The following RBFOX3 variants were observed in gnomAD, a reference collection of about 807,000 sequenced individuals.
RBFOX3 encodes the protein RNA binding fox-1 homolog 3, also known as RNA binding protein fox-1 homolog 3.
A neutral mutation model predicts 48.7 loss-of-function variants in RBFOX3; 17 were observed. That is an observed-to-expected ratio of 0.35 (90% CI 0.24 to 0.52). The LOEUF is 0.52. RBFOX3 is among the 20% of genes least tolerant of loss of function. The pLI is 0.94. For missense variants in RBFOX3, 382 were observed against 497.5 expected (o/e 0.77, Z 2.21); for synonymous variants, 212 against 209.5 (o/e 1.01, Z -0.10).
chr17:79,313,157 G>A (rs2077077942), intron 2 of RBFOX3, among the ~76,000 whole-genome samples: 1 of 152,180 alleles, frequency 6.6e-6, no homozygotes, highest in Non-Finnish European at 1.5e-5. Context: ...TCTGTAATGT[G>A]AACTCTTTAA....
At chr17:79,453,135 G>T (rs1171981682) in intron 2 of RBFOX3, among the ~76,000 whole-genome samples, 3 of 152,254 alleles carry the variant, frequency 2.0e-5, no homozygotes, top group African/African-American at 7.2e-5. Flanking sequence ...TGTCCTTTCT[G>T]TAAACCCGGG....
intron 3 of RBFOX3, among the ~76,000 whole-genome samples, chr17:79,284,486 A>C (rs1015171465): frequency 2.0e-5 from 3 of 151,916 alleles, no homozygotes; most frequent in Non-Finnish European, 4.4e-5. Context: ...ATGGGAGCTG[A>C]AGGCTCAGAG....
chr17:79,422,630 C>A (rs1231028366), intron 2 of RBFOX3, among the ~76,000 whole-genome samples: 1 of 152,170 alleles, frequency 6.6e-6, no homozygotes, highest in Non-Finnish European at 1.5e-5. Flanking sequence ...TGGGCAGATG[C>A]TGGGTCGTCA....
chr17:79,267,536 G>A (rs1307449406), intron 3 of RBFOX3, among the ~76,000 whole-genome samples: 6 of 152,146 alleles, frequency 3.9e-5, no homozygotes, highest in East Asian at 1.9e-4. Context: ...GATTATAGGC[G>A]CATGCCACCA....
chr17:79,664,355 T>A, the RBFOX3 span, among the ~76,000 whole-genome samples: 1 of 151,640 alleles, frequency 6.6e-6, no homozygotes, highest in African/African-American at 2.4e-5. Flanking sequence ...TTGTATTTTT[T>A]TTTTTTTTGA....
intron 2 of RBFOX3, among the ~76,000 whole-genome samples, chr17:79,385,452 GC>G (rs1175407868): frequency 6.6e-6 from 1 of 152,136 alleles, no homozygotes; most frequent in Admixed American, 6.5e-5. Context: ...CAATCAGCGA[GC>G]CCCCAAGAAC....
At chr17:79,633,836 C>T in the RBFOX3 span, among the ~76,000 whole-genome samples, 1 of 152,254 alleles carries the variant, frequency 6.6e-6, no homozygotes, top group East Asian at 1.9e-4. Flanking sequence ...TCCTGATGTG[C>T]CACCCTTGGA....
At chr17:79,334,391 G>C (rs1312777808) in intron 2 of RBFOX3, among the ~76,000 whole-genome samples, 1 of 152,190 alleles carries the variant, frequency 6.6e-6, no homozygotes, top group Non-Finnish European at 1.5e-5. Context: ...AGGTTACAGG[G>C]ACTTGTTGGT....
chr17:79,149,685 C>T (rs1189199763), intron 4 of RBFOX3, among the ~76,000 whole-genome samples: 2 of 151,808 alleles, frequency 1.3e-5, no homozygotes, highest in Admixed American at 6.6e-5. Context: ...TGCCCGCCCG[C>T]TCAGGCCTTC....
chr17:79,112,728 C>T (rs902725958), intron 5 of RBFOX3, among the ~76,000 whole-genome samples: 4 of 152,194 alleles, frequency 2.6e-5, no homozygotes, highest in South Asian at 2.1e-4. Context: ...CCAAGCTCCC[C>T]CTCTCCACTG....
intron 2 of RBFOX3, among the ~76,000 whole-genome samples, chr17:79,436,629 C>G (rs1555731287): frequency 6.6e-6 from 1 of 152,102 alleles, no homozygotes; most frequent in Non-Finnish European, 1.5e-5. Flanking sequence ...CCTGGAGGGA[C>G]CAGATGATTA....
intron 1 of RBFOX3, among the ~76,000 whole-genome samples, chr17:79,488,685 C>T (rs2080028642): frequency 1.3e-5 from 2 of 152,212 alleles, no homozygotes; most frequent in African/African-American, 4.8e-5. Context: ...ACCCAGGTTC[C>T]GGACATTCAA....
At chr17:79,113,325 T>A (rs1351506048) in intron 5 of RBFOX3, among the ~76,000 whole-genome samples, 1 of 152,100 alleles carries the variant, frequency 6.6e-6, no homozygotes, top group Non-Finnish European at 1.5e-5. Context: ...GGGGAGCGCA[T>A]GGCCTCTGAG....
At chr17:79,101,133 T>C (rs758292996) in intron 9 of RBFOX3, among the ~76,000 whole-genome samples, 1 of 151,882 alleles carries the variant, frequency 6.6e-6, no homozygotes, top group Non-Finnish European at 1.5e-5. Context: ...CTCAGAGAGG[T>C]CTAGAAGCTC....
chr17:79,520,258 G>C (rs2085869439), intron 1 of RBFOX3, among the ~76,000 whole-genome samples: 1 of 152,232 alleles, frequency 6.6e-6, no homozygotes, highest in East Asian at 1.9e-4. Context: ...AGGTGACGAG[G>C]CAGCAGGGCA....
chr17:79,425,496 G>A (rs1398354452), intron 2 of RBFOX3, among the ~76,000 whole-genome samples: 2 of 152,242 alleles, frequency 1.3e-5, no homozygotes, highest in Admixed American at 6.5e-5. Flanking sequence ...CAAGGATGGT[G>A]CCCTAAAAGA....
chr17:79,205,824 T>A lies in RBFOX3; in HGVS notation c.-34+29942A>T, dbSNP rs564984623. Among the ~76,000 whole-genome samples, 11 of 137,146 alleles carry A rather than the reference T, an allele frequency of 8.0e-5. 1 individual carries two copies. In the South Asian group the frequency reaches 2.8e-3, roughly 35 times the overall value. The allele number at this position is 137,146 out of a possible 152,430, so 90.0% of individuals were successfully genotyped here. ...TTTTCCAGTCCATGTCCATAAAGAG[T>A]CAAAAGCAGTTGGCTTTTTTTTTTT... On this transcript the variant is annotated intron_variant, in intron 4 of 14. Coordinates refer to ENST00000693108, the MANE Select transcript of RBFOX3 (RefSeq NM_001350451.2). This position sits in a 1 kb window ranked among gnomAD's most constrained non-coding sequence, Gnocchi z 4.5.
At chr17:79,578,156 A>G (rs1162681834) in intron 1 of RBFOX3, among the ~76,000 whole-genome samples, 2 of 152,232 alleles carry the variant, frequency 1.3e-5, no homozygotes, top group East Asian at 3.9e-4. Context: ...GTCCAACAGC[A>G]AAGGCCACCT....
chr17:79,633,748 C>T, the RBFOX3 span, among the ~76,000 whole-genome samples: 7 of 152,192 alleles, frequency 4.6e-5, no homozygotes, highest in Non-Finnish European at 8.8e-5. Context: ...AGGCTGCTCT[C>T]GGCACATCAG....
Sources: allele counts gnomAD v4.1 joint callset (sites outside exome capture counted in the v4.1 genomes callset), GRCh38; gene constraint gnomAD v4.1.1; non-coding constraint Gnocchi (gnomAD v3.1); transcripts MANE v1.5; gene names NCBI Gene and HGNC (gene_info 2026-07-23, HGNC 2026-07-21).